Variants in FIG4 observed in about 807,000 individuals in gnomAD.
FIG4 encodes polyphosphoinositide phosphatase.
A neutral mutation model predicts 118.6 loss-of-function variants in FIG4; 112 were observed. The ratio of observed to expected loss-of-function variants is 0.94; its 90% CI spans 0.81 to 1.11. The LOEUF (loss-of-function observed/expected upper bound fraction) is 1.11, where lower values mean the gene tolerates loss of function less well. Ranked by LOEUF, FIG4 falls within the 50% of genes least tolerant of loss-of-function variation. FIG4 has a pLI of 0.00. For synonymous variants in FIG4, 369 were observed against 381.2 expected (o/e 0.97, Z 0.37); for missense variants, 969 against 1,111.7 (o/e 0.87, Z 1.83).
chr6:109,786,010 A>G (rs1049137160), intron 17 of FIG4: 3 of 400,684 alleles, frequency 7.5e-6, no homozygotes, highest in Non-Finnish European at 1.4e-5. Context: ...ATTTAAGAGC[A>G]AAAAGGAATT....
Position 109,760,330 on chromosome 6 carries a change from T to C in FIG4, c.1218T>C (p.Pro406=), listed in dbSNP as rs1049846085. ...AAVTYLNQFL[P]PEHTIVYIPW... ...TGACCTATCTCAACCAATTTTTGCC[T>C]CCTGAGCACACTATTGTTTATATTC... The change falls in exon 11 of 23, where the codon CCT becomes CCC. Residue 406 remains proline, a synonymous_variant. Coordinates refer to ENST00000230124, the MANE Select transcript of FIG4 (RefSeq NM_014845.6). The C allele has an allele frequency of 6.2e-7, 1 of 1,612,954 alleles. No individual in the cohort carries two copies. The highest frequency in any genetic ancestry group is 1.3e-5 in the African/African-American group (1 of 74,908).
chr6:109,772,248 A>G (rs1393885464), intron 15 of FIG4, among the ~76,000 whole-genome samples: 2 of 152,122 alleles, frequency 1.3e-5, no homozygotes, highest in African/African-American at 4.8e-5. Flanking sequence ...TGTCAATAGG[A>G]GAGAGTCTCA....
chr6:109,701,601 C>T, intron 1 of FIG4: 7 of 431,572 alleles, frequency 1.6e-5, no homozygotes, highest in South Asian at 1.2e-4. Context: ...AATTTTTACT[C>T]TTACTTGTTC....
chr6:109,721,812 G>T (rs1390702784), intron 3 of FIG4, among the ~76,000 whole-genome samples: 1 of 152,138 alleles, frequency 6.6e-6, no homozygotes, highest in East Asian at 1.9e-4. Flanking sequence ...AGCCATTTGT[G>T]CTGGAAGAAG....
intron 5 of FIG4, among the ~76,000 whole-genome samples, chr6:109,734,060 A>T (rs557559835): frequency 6.6e-6 from 1 of 152,120 alleles, no homozygotes; most frequent in African/African-American, 2.4e-5. Context: ...TCCCTTTGAG[A>T]TTAGATGCTG....
Position 109,753,411 on chromosome 6 carries a change from G to A in FIG4, c.1138-6839G>A, listed in dbSNP as rs371207200. Among the ~76,000 whole-genome samples, 121 of 151,772 alleles carry A rather than the reference G, an allele frequency of 8.0e-4. 1 individual carries two copies. In the East Asian group the frequency reaches 0.019, roughly 23 times the overall value. ...AGCTTTGTTCTTTTGGCTTAGGATT[G>A]ACTTGGTGATGCGGGCTCTTTTTTG... is the stretch of plus-strand genomic sequence containing the variant. On this transcript the variant is annotated intron_variant, in intron 10 of 22. Coordinates refer to ENST00000230124, the MANE Select transcript of FIG4 (RefSeq NM_014845.6).
At chr6:109,803,048 T>C (rs2128399401) in intron 22 of FIG4, among the ~76,000 whole-genome samples, 1 of 152,290 alleles carries the variant, frequency 6.6e-6, no homozygotes, top group Non-Finnish European at 1.5e-5. Flanking sequence ...TGCACCACTT[T>C]TGGAAAACCA....
intron 3 of FIG4, among the ~76,000 whole-genome samples, chr6:109,718,105 G>A (rs1775489722): frequency 6.6e-6 from 1 of 152,266 alleles, no homozygotes; most frequent in Non-Finnish European, 1.5e-5. Flanking sequence ...AGAAGGGGAA[G>A]GGACAGCAGG....
intron 10 of FIG4, among the ~76,000 whole-genome samples, chr6:109,749,742 TA>T (rs1776632810): frequency 6.6e-6 from 1 of 152,282 alleles, no homozygotes; most frequent in South Asian, 2.1e-4. Flanking sequence ...AATACTATCA[TA>T]CATGTGATCA....
intron 20 of FIG4, among the ~76,000 whole-genome samples, chr6:109,792,269 A>G (rs190726126): frequency 2.3e-4 from 35 of 152,390 alleles, no homozygotes; most frequent in African/African-American, 7.5e-4. Context: ...CAACAGAGAC[A>G]GCATAACCCA....
At chr6:109,802,190 G>A (rs147890088) in intron 22 of FIG4, among the ~76,000 whole-genome samples, 1 of 152,076 alleles carries the variant, frequency 6.6e-6, no homozygotes, top group East Asian at 1.9e-4. Context: ...ACCCATCTCT[G>A]ACTTTTTCCA....
At chr6:109,813,446 G>T (rs2503766) in intron 22 of FIG4, among the ~76,000 whole-genome samples, 87,411 of 152,030 alleles carry the variant, frequency 0.57, 26,528 homozygotes, top group East Asian at 0.83. Flanking sequence ...GCATCTGATG[G>T]TGCATTTAGT....
intron 22 of FIG4, among the ~76,000 whole-genome samples, chr6:109,822,463 A>C (rs1470192658): frequency 1.3e-5 from 2 of 152,310 alleles, no homozygotes; most frequent in African/African-American, 4.8e-5. Context: ...TAATGTGTAC[A>C]TAATGGTATT....
At chr6:109,780,734 A>T (rs1037217804) in intron 16 of FIG4, among the ~76,000 whole-genome samples, 7 of 152,196 alleles carry the variant, frequency 4.6e-5, no homozygotes, top group Non-Finnish European at 8.8e-5. Context: ...GGCGTGGCAT[A>T]TCTATGCCAT....
intron 22 of FIG4, among the ~76,000 whole-genome samples, chr6:109,810,781 A>C (rs943928708): frequency 6.6e-6 from 1 of 152,224 alleles, no homozygotes; most frequent in African/African-American, 2.4e-5. Context: ...AAATTTGTTT[A>C]GAAGTGAAAA....
At chr6:109,735,886 G>C (rs1327721938) in intron 6 of FIG4, among the ~76,000 whole-genome samples, 2 of 151,722 alleles carry the variant, frequency 1.3e-5, no homozygotes, top group African/African-American at 2.4e-5. Flanking sequence ...TACTTTGATC[G>C]GTCCCAGCTT....
At chr6:109,755,141 T>C (rs1398675425) in intron 10 of FIG4, among the ~76,000 whole-genome samples, 2 of 152,252 alleles carry the variant, frequency 1.3e-5, no homozygotes, top group Non-Finnish European at 2.9e-5. Context: ...GTTGTGTCTT[T>C]GTTCTCGTTG....
Position 109,743,730 on chromosome 6 carries a change from C to T in FIG4, c.1095C>T (p.Phe365=), listed in dbSNP as rs766266478. ...HVAALHFDQM[F]QRFGSPIIIL... ...CTGCCCTTCACTTTGACCAGATGTT[C>T]CAGAGGTTTGGCTCTCCCATCATCA... Residue 365 remains phenylalanine (F), a synonymous_variant, in exon 10 of 23, where the codon TTC becomes TTT. Coordinates refer to ENST00000230124, the MANE Select transcript of FIG4 (RefSeq NM_014845.6). 6.2e-7 allele frequency: 1 copy of T among 1,612,866 alleles called. No homozygotes were observed.
intron 1 of FIG4, among the ~76,000 whole-genome samples, chr6:109,706,503 A>G (rs938290424): frequency 2.0e-5 from 3 of 152,160 alleles, no homozygotes; most frequent in African/African-American, 7.2e-5. Flanking sequence ...ACTGACTACT[A>G]ACAGATTGGC....
Sources: gnomAD v4.1 joint callset for allele counts (sites outside exome capture counted in the v4.1 genomes callset) on GRCh38, gnomAD v4.1.1 for gene constraint, MANE v1.5 for transcripts, NCBI Gene and HGNC (gene_info 2026-07-23, HGNC 2026-07-21) for gene names.